Variants in RASSF3 observed in about 807,000 individuals in gnomAD.
The protein encoded by RASSF3 is Ras association domain family member 3.
A neutral mutation model predicts 19.9 loss-of-function variants in RASSF3; 19 were observed. The observed-to-expected ratio is 0.96, with a 90% CI of 0.67 to 1.40. The LOEUF is 1.40. Ranked by LOEUF, RASSF3 falls within the 40% of genes most tolerant of loss-of-function variation. The probability of loss-of-function intolerance (pLI) is 0.00; values close to 1 mark genes in which losing one functional copy is unlikely to be tolerated. For missense variants in RASSF3, 306 were observed against 289.8 expected (o/e 1.06, Z -0.41); for synonymous variants, 110 against 104.2 (o/e 1.06, Z -0.34).
At chr12:64,678,336 T>G (rs909831287) in intron 1 of RASSF3, among the ~76,000 whole-genome samples, 8 of 152,162 alleles carry the variant, frequency 5.3e-5, no homozygotes, top group African/African-American at 1.9e-4. Context: ...AGATGAAAAG[T>G]AGGAATTCAT....
chr12:64,547,815 T>C (rs1471046339), intron 2 of RASSF3, among the ~76,000 whole-genome samples: 1 of 152,178 alleles, frequency 6.6e-6, no homozygotes, highest in African/African-American at 2.4e-5. Flanking sequence ...TTGCATATAT[T>C]TTTGTGATTA....
upstream of RASSF3, among the ~76,000 whole-genome samples, chr12:64,530,960 A>T (rs1868694958): frequency 6.6e-6 from 1 of 152,190 alleles, no homozygotes; most frequent in South Asian, 2.1e-4. Context: ...TTCCTATATC[A>T]GACATGTGAT....
At chr12:64,543,308 C>A (rs1318247693), downstream of RASSF3, among the ~76,000 whole-genome samples, 1 of 151,268 alleles carries the variant, frequency 6.6e-6, no homozygotes, top group Non-Finnish European at 1.5e-5. Context: ...TTGGGTCCCA[C>A]AGCAGTGCCG....
chr12:64,507,139 G>A, exon 1 of RASSF3: 1 of 398,538 alleles, frequency 2.5e-6, no homozygotes, highest in Non-Finnish European at 4.4e-6. Context: ...GTCATATGTG[G>A]GTGTTACTGT....
intron 1 of RASSF3, among the ~76,000 whole-genome samples, chr12:64,519,710 C>T (rs1442600160): frequency 1.3e-5 from 2 of 151,994 alleles, no homozygotes; most frequent in Non-Finnish European, 2.9e-5. Context: ...CTTCTACTCC[C>T]TATTTTTTTT....
At chr12:64,586,145 C>T (rs571557717) in intron 2 of RASSF3, among the ~76,000 whole-genome samples, 35 of 151,690 alleles carry the variant, frequency 2.3e-4, no homozygotes, top group African/African-American at 8.0e-4. Flanking sequence ...GCCAACATGG[C>T]GAAACCCTGT....
intron 2 of RASSF3, among the ~76,000 whole-genome samples, chr12:64,557,276 C>T (rs1255353789): frequency 6.6e-6 from 1 of 152,140 alleles, no homozygotes; most frequent in Non-Finnish European, 1.5e-5. Flanking sequence ...CTGGGGGTTG[C>T]TCTGTATGTC....
chr12:64,521,027 G>A (rs771481633), intron 1 of RASSF3, among the ~76,000 whole-genome samples: 4 of 152,110 alleles, frequency 2.6e-5, no homozygotes, highest in Non-Finnish European at 5.9e-5. Context: ...AATGGTTGTC[G>A]GGTCATCTGT....
At chr12:64,656,521 T>G (rs1872165635) in intron 1 of RASSF3, among the ~76,000 whole-genome samples, 1 of 152,236 alleles carries the variant, frequency 6.6e-6, no homozygotes, top group East Asian at 1.9e-4. Context: ...TCTCTACCTT[T>G]TTCTGTTCTC....
At chr12:64,659,422 T>C (rs1872267497) in intron 1 of RASSF3, among the ~76,000 whole-genome samples, 1 of 152,170 alleles carries the variant, frequency 6.6e-6, no homozygotes, top group South Asian at 2.1e-4. Context: ...TTCCTAGCCC[T>C]GGTGGTGAAT....
chr12:64,643,537 G>A (rs1429194288), intron 1 of RASSF3, among the ~76,000 whole-genome samples: 1 of 150,906 alleles, frequency 6.6e-6, no homozygotes, highest in Non-Finnish European at 1.5e-5. Flanking sequence ...AACCTAGTGA[G>A]ACCCCGTCTC....
intron 2 of RASSF3, among the ~76,000 whole-genome samples, chr12:64,591,767 A>G (rs1335693369): frequency 2.0e-5 from 3 of 152,172 alleles, no homozygotes; most frequent in African/African-American, 7.2e-5. Flanking sequence ...ATTTTTAGTT[A>G]TGTAAACATT....
intron 1 of RASSF3, among the ~76,000 whole-genome samples, chr12:64,637,734 G>A (rs975617108): frequency 6.6e-6 from 1 of 151,464 alleles, no homozygotes; most frequent in Non-Finnish European, 1.5e-5. Context: ...CCAGCCCCTT[G>A]AGTAGTTCCT....
intron 1 of RASSF3, among the ~76,000 whole-genome samples, chr12:64,668,510 C>T (rs1388147137): frequency 5.9e-5 from 9 of 151,958 alleles, no homozygotes; most frequent in Admixed American, 5.2e-4. Flanking sequence ...GAGCTCAAAG[C>T]GATCTGCCTG....
chr12:64,587,964 A>T (rs999597943), intron 2 of RASSF3, among the ~76,000 whole-genome samples: 1 of 152,222 alleles, frequency 6.6e-6, no homozygotes, highest in Non-Finnish European at 1.5e-5. Context: ...TATTTACCAA[A>T]GTACATTTAT....
Position 64,622,673 on chromosome 12 carries a change from T to G in RASSF3, c.111+11930T>G, listed in dbSNP as rs1266468059. 3 of 261,384 alleles carry G rather than the reference T, an allele frequency of 1.1e-5. No individual in the cohort carries two copies. In the East Asian group the frequency reaches 4.3e-4, roughly 38 times the overall value. The allele number at this position is 261,384 out of a possible 1,614,324, so 16.2% of individuals were successfully genotyped here. ...CTTTTATTCTGATTAACTCCTACTT[T>G]AAATTTTTTCTTTCAGAATCTTTTT... On this transcript the variant is annotated intron_variant, in intron 1 of 4. Coordinates refer to ENST00000542104, the MANE Select transcript of RASSF3 (RefSeq NM_178169.4).
chr12:64,622,965 C>T (rs745520100), intron 1 of RASSF3, among the ~76,000 whole-genome samples: 26 of 151,888 alleles, frequency 1.7e-4, no homozygotes, highest in East Asian at 3.9e-4. Flanking sequence ...GGAATACAGG[C>T]GCATACCACC....
At chr12:64,684,042 A>T (rs536639238) in intron 1 of RASSF3, among the ~76,000 whole-genome samples, 1 of 130,436 alleles carries the variant, frequency 7.7e-6, no homozygotes, top group Non-Finnish European at 1.6e-5. Flanking sequence ...GTGTGTTTCA[A>T]GGTAACATGC....
At chr12:64,652,286 T>C (rs1871984777) in intron 1 of RASSF3, among the ~76,000 whole-genome samples, 1 of 152,226 alleles carries the variant, frequency 6.6e-6, no homozygotes, top group South Asian at 2.1e-4. Context: ...CAATGTTCAT[T>C]GATAAACTTT....
Sources: allele counts gnomAD v4.1 joint callset (sites outside exome capture counted in the v4.1 genomes callset), GRCh38; gene constraint gnomAD v4.1.1; transcripts MANE v1.5; gene names NCBI Gene and HGNC (gene_info 2026-07-23, HGNC 2026-07-21).